The following SLC24A3 variants were observed in gnomAD, a reference collection of about 807,000 sequenced individuals.
SLC24A3 encodes sodium/potassium/calcium exchanger 3.
In SLC24A3, 28 loss-of-function variants were observed where a neutral mutation model predicts 75.8. The ratio of observed to expected loss-of-function variants is 0.37; its 90% CI spans 0.27 to 0.51. SLC24A3 has a LOEUF of 0.51. Among genes scored for constraint, SLC24A3 ranks in the 20% least tolerant of loss-of-function variants. The pLI, the probability that SLC24A3 is intolerant of heterozygous loss-of-function variation, is 0.94. For synonymous variants in SLC24A3, 372 were observed against 334.1 expected (o/e 1.11, Z -1.24); for missense variants, 663 against 847.8 (o/e 0.78, Z 2.71).
At chr20:19,294,312 A>G (rs1306420989) in intron 2 of SLC24A3, among the ~76,000 whole-genome samples, 2 of 152,206 alleles carry the variant, frequency 1.3e-5, no homozygotes, top group Non-Finnish European at 2.9e-5. Flanking sequence ...ATTTTATATT[A>G]AGTTCTGGGA....
intron 2 of SLC24A3, among the ~76,000 whole-genome samples, chr20:19,291,230 G>A (rs1983934957): frequency 6.6e-6 from 1 of 152,156 alleles, no homozygotes; most frequent in Non-Finnish European, 1.5e-5. Context: ...GTGCTTCGGG[G>A]TGGAATGAGG....
chr20:19,327,377 A>G (rs961090254), intron 2 of SLC24A3, among the ~76,000 whole-genome samples: 1 of 152,246 alleles, frequency 6.6e-6, no homozygotes, highest in Non-Finnish European at 1.5e-5. Flanking sequence ...GCCCTCAGGT[A>G]GAGATGCCAA....
intron 1 of SLC24A3, among the ~76,000 whole-genome samples, chr20:19,219,243 G>A (rs1451437727): frequency 6.6e-6 from 1 of 152,004 alleles, no homozygotes; most frequent in Non-Finnish European, 1.5e-5. Context: ...AGTCCCGGAC[G>A]GCCCACACTA....
intron 3 of SLC24A3, among the ~76,000 whole-genome samples, chr20:19,545,307 G>A (rs560037637): frequency 3.3e-5 from 5 of 152,178 alleles, no homozygotes; most frequent in Non-Finnish European, 7.3e-5. Context: ...CGGGAGGAGA[G>A]GAATTCCCTA....
intron 2 of SLC24A3, among the ~76,000 whole-genome samples, chr20:19,465,780 C>T (rs564358226): frequency 2.0e-5 from 3 of 152,338 alleles, no homozygotes; most frequent in Admixed American, 2.0e-4. Flanking sequence ...AATAGAATCT[C>T]ACGCTACTTT....
chr20:19,461,153 C>T (rs2122494785), intron 2 of SLC24A3, among the ~76,000 whole-genome samples: 1 of 152,248 alleles, frequency 6.6e-6, no homozygotes, highest in East Asian at 1.9e-4. Flanking sequence ...CTCAGCTCAC[C>T]CTGTGTTTGT....
At chr20:19,704,589 C>T (rs2032907625) in intron 15 of SLC24A3, among the ~76,000 whole-genome samples, 1 of 152,134 alleles carries the variant, frequency 6.6e-6, no homozygotes, top group Admixed American at 6.5e-5. Context: ...CTGCCTTATG[C>T]AGATGATGAG....
At chr20:19,293,810 G>A (rs983432829) in intron 2 of SLC24A3, among the ~76,000 whole-genome samples, 2 of 151,936 alleles carry the variant, frequency 1.3e-5, no homozygotes, top group South Asian at 4.1e-4. Flanking sequence ...GCCACAATTC[G>A]ATGTGCTGTT....
intron 12 of SLC24A3, among the ~76,000 whole-genome samples, chr20:19,685,783 G>A (rs1394659407): frequency 6.6e-6 from 1 of 152,118 alleles, no homozygotes; most frequent in Non-Finnish European, 1.5e-5. Flanking sequence ...TATATAGCAG[G>A]GAAGGAATGT....
chr20:19,577,493 A>C (rs1197866887), intron 3 of SLC24A3, among the ~76,000 whole-genome samples: 1 of 152,222 alleles, frequency 6.6e-6, no homozygotes, highest in Non-Finnish European at 1.5e-5. Flanking sequence ...TATAAGACAG[A>C]ATTCTTACCT....
chr20:19,220,501 G>A (rs1981676582), intron 1 of SLC24A3, among the ~76,000 whole-genome samples: 1 of 152,220 alleles, frequency 6.6e-6, no homozygotes, highest in Non-Finnish European at 1.5e-5. Flanking sequence ...GGTGGGATAA[G>A]GGATTGGTGA....
At chr20:19,220,534 T>C (rs141534795) in intron 1 of SLC24A3, among the ~76,000 whole-genome samples, 1 of 152,336 alleles carries the variant, frequency 6.6e-6, no homozygotes, top group African/African-American at 2.4e-5. Flanking sequence ...GATAATGCCA[T>C]GTTTAAGACA....
intron 6 of SLC24A3, among the ~76,000 whole-genome samples, chr20:19,643,800 T>C (rs528025307): frequency 3.9e-5 from 6 of 152,338 alleles, no homozygotes; most frequent in African/African-American, 1.4e-4. Context: ...GGAGACCAAG[T>C]ACTATGATGG....
At chr20:19,259,966 T>C (rs1257148608) in intron 1 of SLC24A3, among the ~76,000 whole-genome samples, 3 of 152,200 alleles carry the variant, frequency 2.0e-5, no homozygotes, top group Admixed American at 6.5e-5. Context: ...CATAGCATGT[T>C]AGTGAAGCCA....
intron 2 of SLC24A3, among the ~76,000 whole-genome samples, chr20:19,437,980 CAT>C (rs1048972535): frequency 5.3e-5 from 8 of 152,202 alleles, no homozygotes; most frequent in African/African-American, 1.9e-4. Flanking sequence ...GAACTCTGCA[CAT>C]GAGTCTAACT....
At chr20:19,686,227 A>T (rs1048214527) in intron 12 of SLC24A3, among the ~76,000 whole-genome samples, 1 of 152,148 alleles carries the variant, frequency 6.6e-6, no homozygotes, top group Non-Finnish European at 1.5e-5. Context: ...ACCTCCACCC[A>T]TCCCATTGCA....
intron 1 of SLC24A3, among the ~76,000 whole-genome samples, chr20:19,241,205 C>T (rs542400622): frequency 7.2e-5 from 11 of 152,346 alleles, no homozygotes; most frequent in African/African-American, 2.4e-4. Context: ...GGGTAGGACA[C>T]GGACGGGGTT....
chr20:19,222,458 A>G (rs553786300), intron 1 of SLC24A3, among the ~76,000 whole-genome samples: 202 of 152,280 alleles, frequency 1.3e-3, no homozygotes, highest in African/African-American at 4.7e-3. Context: ...TTATTGGGCA[A>G]TGCTTCATAT....
intron 2 of SLC24A3, 99 bp from the exon 3 acceptor site, chr20:19,515,389 C>T (rs768759991): frequency 3.1e-5 from 34 of 1,096,366 alleles, no homozygotes; most frequent in Non-Finnish European, 4.1e-5. Flanking sequence ...TTTTTTCATC[C>T]AAGTTCATGG....
Sources: allele counts gnomAD v4.1 joint callset (sites outside exome capture counted in the v4.1 genomes callset), GRCh38; gene constraint gnomAD v4.1.1; transcripts MANE v1.5; gene names NCBI Gene and HGNC (gene_info 2026-07-23, HGNC 2026-07-21).